PARN: variants seen among roughly 807,000 people sequenced by gnomAD.
The protein encoded by PARN is poly(A)-specific ribonuclease PARN.
A neutral mutation model predicts 102.8 loss-of-function variants in PARN; 71 were observed. The observed-to-expected ratio is 0.69, with a 90% CI of 0.57 to 0.84. PARN has a LOEUF of 0.84. Ranked by LOEUF, PARN falls within the 40% of genes least tolerant of loss-of-function variation. The pLI, the probability that PARN is intolerant of heterozygous loss-of-function variation, is 0.00. For synonymous variants in PARN, 261 were observed against 252.9 expected (o/e 1.03, Z -0.30); for missense variants, 782 against 760.9 (o/e 1.03, Z -0.33).
At chr16:14,600,357 A>G (rs1411353694) in intron 11 of PARN, among the ~76,000 whole-genome samples, 3 of 152,230 alleles carry the variant, frequency 2.0e-5, no homozygotes, top group African/African-American at 7.2e-5. Flanking sequence ...TTAACTGATC[A>G]AATCAAGTAT....
intron 23 of PARN, among the ~76,000 whole-genome samples, chr16:14,443,493 A>G (rs1343386466): frequency 6.6e-6 from 1 of 152,106 alleles, no homozygotes; most frequent in Non-Finnish European, 1.5e-5. Context: ...GGTGTGCACC[A>G]CCATGCCAGG....
At chr16:14,592,778 C>G (rs150212351) in intron 13 of PARN, among the ~76,000 whole-genome samples, 144 of 152,306 alleles carry the variant, frequency 9.5e-4, no homozygotes, top group African/African-American at 3.3e-3. Context: ...AAACCACTGG[C>G]ATTAAGACAA....
intron 21 of PARN, among the ~76,000 whole-genome samples, chr16:14,509,568 A>G (rs1219973373): frequency 1.3e-5 from 2 of 152,230 alleles, no homozygotes; most frequent in Admixed American, 6.5e-5. Context: ...CATCCATCAC[A>G]TAAGATAGAT....
intron 7 of PARN, 58 bp downstream of exon 7, chr16:14,610,586 C>A: frequency 9.8e-7 from 1 of 1,021,358 alleles, no homozygotes; most frequent in Non-Finnish European, 1.5e-6. Flanking sequence ...GATATAGATG[C>A]CTGTCATCCC....
In PARN at chr16:14,436,513, A is replaced by T; in HGVS notation, c.*204T>A. The T allele has an allele frequency of 1.7e-6, 1 of 600,934 alleles. No individual in the cohort carries two copies. The highest frequency in any genetic ancestry group is 2.0e-5 in the South Asian group (1 of 49,930). The allele number at this position is 600,934 out of a possible 1,614,324, so 37.2% of individuals were successfully genotyped here. ...CAGCCTACAACCGTGATGAGTGTCAATGTCAACAGGCAGTTAGATTAAAAA... is the reference window on the plus strand; with the variant it reads ...CAGCCTACAACCGTGATGAGTGTCATTGTCAACAGGCAGTTAGATTAAAAA... On this transcript the variant is annotated 3_prime_UTR_variant, in exon 24 of 24. Transcript: ENST00000437198.
chr16:14,497,471 T>C (rs1212470386), intron 21 of PARN, among the ~76,000 whole-genome samples: 2 of 152,188 alleles, frequency 1.3e-5, no homozygotes, highest in African/African-American at 4.8e-5. Flanking sequence ...TACAAATATA[T>C]ACCTAATAGG....
intron 21 of PARN, among the ~76,000 whole-genome samples, chr16:14,538,841 T>C (rs1208829114): frequency 6.6e-6 from 1 of 152,086 alleles, no homozygotes; most frequent in Non-Finnish European, 1.5e-5. Context: ...CCACCTAAGC[T>C]CCACGTCCTG....
intron 5 of PARN, among the ~76,000 whole-genome samples, chr16:14,623,561 G>T (rs775219980): frequency 2.0e-5 from 3 of 151,182 alleles, no homozygotes; most frequent in Non-Finnish European, 4.4e-5. Context: ...ATCTGGCCAG[G>T]CGCGATGGCT....
In PARN at chr16:14,468,878, AATAGATAG is replaced by A. The variant is rs59011829; in HGVS notation, c.1670+13752_1670+13759del. On this transcript the variant is annotated intron_variant, in intron 22 of 23. Coordinates refer to ENST00000437198, the MANE Select transcript of PARN (RefSeq NM_002582.4). ...GCAACACAGCAAGATCCCATTACTAAATAGATAGATAGATAGATAGATAGATAGATAGA... is the reference window on the plus strand; with the variant it reads ...GCAACACAGCAAGATCCCATTACTAAATAGATAGATAGATAGATAGATAGA... Among the ~76,000 whole-genome samples, 386 of 139,708 alleles carry A rather than the reference AATAGATAG, an allele frequency of 2.8e-3. 2 individuals carry two copies. The highest frequency in any genetic ancestry group is 0.014 in the East Asian group (68 of 4,736). 91.7% of individuals were successfully genotyped at this position (139,708 alleles called of 152,430 possible).
At chr16:14,513,551 C>G (rs1205318731) in intron 21 of PARN, among the ~76,000 whole-genome samples, 1 of 152,200 alleles carries the variant, frequency 6.6e-6, no homozygotes, top group East Asian at 1.9e-4. Flanking sequence ...AGAGCAAAAT[C>G]TGTAACTGGG....
chr16:14,527,532 G>A (rs897123443), intron 21 of PARN, among the ~76,000 whole-genome samples: 2 of 152,094 alleles, frequency 1.3e-5, no homozygotes, highest in Non-Finnish European at 2.9e-5. Flanking sequence ...ATTGTTTCTA[G>A]GGAAATACAA....
chr16:14,476,579 C>G (rs1963063931), intron 22 of PARN, among the ~76,000 whole-genome samples: 1 of 152,116 alleles, frequency 6.6e-6, no homozygotes, highest in Non-Finnish European at 1.5e-5. Context: ...CCTGTAAGCC[C>G]AGCACTTTGA....
intron 21 of PARN, among the ~76,000 whole-genome samples, chr16:14,522,692 G>A (rs1157278049): frequency 6.6e-6 from 1 of 152,110 alleles, no homozygotes; most frequent in Non-Finnish European, 1.5e-5. Context: ...CAGGAAGCTG[G>A]AACAAGGTCC....
intron 22 of PARN, among the ~76,000 whole-genome samples, chr16:14,468,351 C>T (rs1179393299): frequency 6.6e-6 from 1 of 152,214 alleles, no homozygotes; most frequent in Admixed American, 6.5e-5. Context: ...TCTCTGTCAC[C>T]TCCCTTTCCT....
intron 21 of PARN, among the ~76,000 whole-genome samples, chr16:14,519,805 T>C (rs1965645861): frequency 6.6e-6 from 1 of 152,016 alleles, no homozygotes; most frequent in East Asian, 1.9e-4. Flanking sequence ...GCCAACCACA[T>C]AGCAGACAAG....
At chr16:14,629,011 C>CA (rs1162717455) in intron 2 of PARN, among the ~76,000 whole-genome samples, 3 of 152,184 alleles carry the variant, frequency 2.0e-5, no homozygotes, top group South Asian at 2.1e-4. Context: ...CATTTATCTG[C>CA]AAAAACCTGA....
chr16:14,585,731 G>C (rs545993127), intron 14 of PARN, among the ~76,000 whole-genome samples: 98 of 152,284 alleles, frequency 6.4e-4, no homozygotes, highest in African/African-American at 2.3e-3. Context: ...AGACAGACAA[G>C]AGCCATCTCA....
intron 16 of PARN, among the ~76,000 whole-genome samples, chr16:14,582,994 G>A (rs1165720675): frequency 6.6e-6 from 1 of 152,118 alleles, no homozygotes; most frequent in Non-Finnish European, 1.5e-5. Context: ...ACTCACTACT[G>A]TCCTCTACTA....
At chr16:14,596,417 C>T (rs1463896932) in intron 12 of PARN, among the ~76,000 whole-genome samples, 3 of 151,764 alleles carry the variant, frequency 2.0e-5, no homozygotes, top group Non-Finnish European at 2.9e-5. Flanking sequence ...TGAGTCCATA[C>T]ATATACATAA....
Sources: gnomAD v4.1 joint callset for allele counts (sites outside exome capture counted in the v4.1 genomes callset) on GRCh38, gnomAD v4.1.1 for gene constraint, MANE v1.5 for transcripts, NCBI Gene and HGNC (gene_info 2026-07-23, HGNC 2026-07-21) for gene names.